SLCO3A1: variants seen among roughly 807,000 people sequenced by gnomAD.
SLCO3A1 encodes the protein PGE1 transporter.
In SLCO3A1, 27 loss-of-function variants were observed where a neutral mutation model predicts 63.1. The ratio of observed to expected loss-of-function variants is 0.43; its 90% CI spans 0.32 to 0.59. The LOEUF (loss-of-function observed/expected upper bound fraction) is 0.59. Ranked by LOEUF, SLCO3A1 falls within the 20% of genes least tolerant of loss-of-function variation. The probability of loss-of-function intolerance (pLI) is 0.09; values close to 1 mark genes in which losing one functional copy is unlikely to be tolerated. For synonymous variants in SLCO3A1, 473 were observed against 409.9 expected (o/e 1.15, Z -1.86); for missense variants, 773 against 945.8 (o/e 0.82, Z 2.40).
intron 2 of SLCO3A1, among the ~76,000 whole-genome samples, chr15:91,998,041 A>C (rs2046212341): frequency 6.6e-6 from 1 of 152,270 alleles, no homozygotes; most frequent in African/African-American, 2.4e-5. Context: ...AACTATCAAT[A>C]GAGTAAACAG....
At position 91,880,158 on chromosome 15, in the gene SLCO3A1, C is replaced by CT. The variant is rs1555446402; in HGVS notation, c.180+26070_180+26071insT. On this transcript the variant is annotated intron_variant, in intron 1 of 9. Coordinates refer to ENST00000318445, the MANE Select transcript of SLCO3A1 (RefSeq NM_013272.4). ...CCATCCATCCATCCATCCATCCATC[C>CT]ATCCATCCATCCATCTATCTATCTA... Among the ~76,000 whole-genome samples the CT allele has an allele frequency of 8.8e-3, 1,139 of 130,154 alleles. 7 individuals are homozygous for CT. The highest frequency in any genetic ancestry group is 0.023 in the Middle Eastern group (6 of 258). 85.4% of individuals were successfully genotyped at this position (130,154 alleles called of 152,430 possible).
chr15:91,963,404 A>AGGGCGGGGGGGGG (rs1176735786), intron 2 of SLCO3A1, among the ~76,000 whole-genome samples: 2 of 3,154 alleles, frequency 6.3e-4, no homozygotes, highest in African/African-American at 2.5e-3. Context: ...TAACTCGGGG[A>AGGGCGGGGGGGGG]GGGTGGGGGG....
chr15:91,980,537 C>G (rs937318802), intron 2 of SLCO3A1, among the ~76,000 whole-genome samples: 1 of 151,878 alleles, frequency 6.6e-6, no homozygotes, highest in Non-Finnish European at 1.5e-5. Flanking sequence ...AGTTTCTAAG[C>G]TCATTCCTGT....
At position 92,128,613 on chromosome 15, in the gene SLCO3A1, T is replaced by C. The variant is rs538911585; in HGVS notation, c.1512+124T>C. Reference sequence around the variant, plus strand: ...TTTCTTAGCTGTTGCCTTGCTGTAGTGGAAGATGTTCCATCAGCAGGATGA... The same window carrying C: ...TTTCTTAGCTGTTGCCTTGCTGTAGCGGAAGATGTTCCATCAGCAGGATGA... On this transcript the variant is annotated intron_variant, in intron 7 of 9. Coordinates refer to ENST00000318445, the MANE Select transcript of SLCO3A1 (RefSeq NM_013272.4). 38 of 798,062 alleles carry C rather than the reference T, an allele frequency of 4.8e-5. No homozygotes were observed. In the African/African-American group the frequency reaches 6.2e-4, roughly 13 times the overall value. 49.4% of individuals were successfully genotyped at this position (798,062 alleles called of 1,614,324 possible). A position where few individuals can be genotyped will look rare whatever the true frequency, so the allele number is the denominator to read the frequency against.
chr15:92,047,526 A>AAT (rs1362456438), intron 2 of SLCO3A1, among the ~76,000 whole-genome samples: 10 of 17,476 alleles, frequency 5.7e-4, no homozygotes, highest in African/African-American at 2.4e-3. Flanking sequence ...TACATAAATA[A>AAT]ATATATAAAT....
intron 2 of SLCO3A1, among the ~76,000 whole-genome samples, chr15:91,929,105 C>G (rs930790631): frequency 6.6e-6 from 1 of 152,208 alleles, no homozygotes; most frequent in African/African-American, 2.4e-5. Flanking sequence ...AAGACCTTTC[C>G]TCATGGGGAA....
At chr15:91,988,917 G>C (rs984650463) in intron 2 of SLCO3A1, among the ~76,000 whole-genome samples, 2 of 152,174 alleles carry the variant, frequency 1.3e-5, no homozygotes, top group African/African-American at 2.4e-5. Flanking sequence ...AGAATGAGGG[G>C]AAAAGCACAT....
intron 6 of SLCO3A1, among the ~76,000 whole-genome samples, chr15:92,126,723 G>A (rs927510334): frequency 6.6e-6 from 1 of 152,182 alleles, no homozygotes; most frequent in Non-Finnish European, 1.5e-5. Flanking sequence ...GAAAAAGGGA[G>A]GGAGGAAGAG....
At position 91,916,628 on chromosome 15, in the gene SLCO3A1, G is replaced by C. The variant is rs763175706; in HGVS notation, c.646+170G>C. ...GGGGGTGCAACCTGGGCATTGAGACGTTTTTAAAAGTTCCCAGGTGATTCT... is the reference window on the plus strand; with the variant it reads ...GGGGGTGCAACCTGGGCATTGAGACCTTTTTAAAAGTTCCCAGGTGATTCT... On this transcript the variant is annotated intron_variant, in intron 2 of 9. Transcript: ENST00000318445. This position sits in a 1 kb window ranked among gnomAD's most constrained non-coding sequence, Gnocchi z 6.2. Among the ~76,000 whole-genome samples, 3 of 152,184 alleles carry C rather than the reference G, an allele frequency of 2.0e-5. No homozygotes were observed. The highest frequency in any genetic ancestry group is 2.0e-4 in the Admixed American group (3 of 15,290).
rs531421367 is a variant in SLCO3A1 at position 91,873,601 on chromosome 15, A to G, written c.180+19513A>G. ...ACATACTTTATTTCAGGACCATTTT[A>G]AAGTAAATTATAGAAATGATGACAC... is the stretch of plus-strand genomic sequence containing the variant. On this transcript the variant is annotated intron_variant, in intron 1 of 9. Coordinates refer to ENST00000318445, the MANE Select transcript of SLCO3A1 (RefSeq NM_013272.4). Among the ~76,000 whole-genome samples, 14 of 152,090 alleles carry G rather than the reference A, an allele frequency of 9.2e-5. No homozygotes were observed. The South Asian group carries it at 2.7e-3, about 29-fold the overall frequency.
intron 9 of SLCO3A1, among the ~76,000 whole-genome samples, chr15:92,159,172 G>A (rs1375636819): frequency 2.0e-5 from 3 of 152,168 alleles, no homozygotes; most frequent in Non-Finnish European, 2.9e-5. Context: ...ACTTTCTCCA[G>A]GACTTTTGGC....
chr15:91,855,229 G>A (rs190773455), intron 1 of SLCO3A1, among the ~76,000 whole-genome samples: 5 of 152,196 alleles, frequency 3.3e-5, no homozygotes, highest in African/African-American at 1.2e-4. Flanking sequence ...TCCTGGCCTT[G>A]GGGTAAAGTT....
intron 7 of SLCO3A1, among the ~76,000 whole-genome samples, chr15:92,135,995 C>G (rs984672269): frequency 6.6e-5 from 10 of 152,056 alleles, no homozygotes; most frequent in Admixed American, 1.3e-4. Flanking sequence ...TAGTGAGACC[C>G]CTATCTCTGA....
Position 91,916,217 on chromosome 15 carries a change from C to T in SLCO3A1, c.405C>T (p.Tyr135=), listed in dbSNP as rs781152521. Residue 135 remains tyrosine, a synonymous_variant, in exon 2 of 10, where the codon TAC becomes TAT. Coordinates refer to ENST00000318445, the MANE Select transcript of SLCO3A1 (RefSeq NM_013272.4). This position sits in a 1 kb window ranked among gnomAD's most constrained non-coding sequence, Gnocchi z 6.2. ...AGTTCCTGACCCACCAGTACAAGTA[C>T]GAGGCGGGCGAGATCCGCTGGGGCG... ...LPEFLTHQYK[Y]EAGEIRWGAE... 75 of 1,578,314 alleles carry T rather than the reference C, an allele frequency of 4.8e-5. No individual in the cohort carries two copies. The highest frequency in any genetic ancestry group is 6.8e-5 in the African/African-American group (5 of 74,038).
intron 7 of SLCO3A1, among the ~76,000 whole-genome samples, chr15:92,146,242 G>C (rs12901919): frequency 0.13 from 20,309 of 152,188 alleles, 1,713 homozygotes; most frequent in Non-Finnish European, 0.17. Context: ...TGGAGTGAGT[G>C]GGGGAGAGGA....
rs1346416687 is a variant in SLCO3A1, at chr15:92,132,780, G to C, written c.1512+4291G>C. Reference sequence around the variant, plus strand: ...ACCTGTTTCAGTGAAATGCCAAGTAGGTTCTGTGGCGGGGAGGAGGACAGC... The same window carrying C: ...ACCTGTTTCAGTGAAATGCCAAGTACGTTCTGTGGCGGGGAGGAGGACAGC... On this transcript the variant is annotated intron_variant, in intron 7 of 9. Transcript: ENST00000318445. Among the ~76,000 whole-genome samples the C allele has an allele frequency of 1.4e-5, 2 of 145,310 alleles. 1 individual carries two copies. Among genetic ancestry groups the C allele is most frequent in the African/African-American group, 5.0e-5 (2 of 40,060 alleles).
Position 92,163,264 on chromosome 15 carries a change from G to A in SLCO3A1, c.*129G>A. On this transcript the variant is annotated 3_prime_UTR_variant, in exon 10 of 10. Coordinates refer to ENST00000318445, the MANE Select transcript of SLCO3A1 (RefSeq NM_013272.4). ...ACAGGCACAGATGCACACACACGCA[G>A]ACAGACACACCGACTTTGTCCTTTT... 1 of 1,362,350 alleles carries A rather than the reference G, an allele frequency of 7.3e-7. No homozygotes were observed. The highest frequency in any genetic ancestry group is 3.0e-5 in the Admixed American group (1 of 33,358). The allele number at this position is 1,362,350 out of a possible 1,614,324, so 84.4% of individuals were successfully genotyped here. A position where few individuals can be genotyped will look rare whatever the true frequency, so the allele number is the denominator to read the frequency against.
At chr15:92,087,061 A>G (rs954686487) in intron 2 of SLCO3A1, among the ~76,000 whole-genome samples, 5 of 151,316 alleles carry the variant, frequency 3.3e-5, no homozygotes, top group Non-Finnish European at 1.5e-5. Context: ...AGAAGCTTTT[A>G]TGTTTTCCTT....
chr15:91,999,125 G>A (rs2046224544), intron 2 of SLCO3A1, among the ~76,000 whole-genome samples: 1 of 152,204 alleles, frequency 6.6e-6, no homozygotes, highest in Non-Finnish European at 1.5e-5. Context: ...AATAGACACT[G>A]GGGACTACAG....
Sources: gnomAD v4.1 joint callset for allele counts (sites outside exome capture counted in the v4.1 genomes callset) on GRCh38, gnomAD v4.1.1 for gene constraint, Gnocchi (gnomAD v3.1) non-coding constraint, MANE v1.5 for transcripts, NCBI Gene and HGNC (gene_info 2026-07-23, HGNC 2026-07-21) for gene names.